LRMDA: variants seen among roughly 807,000 people sequenced by gnomAD.
LRMDA encodes the protein leucine-rich melanocyte differentiation-associated protein.
LRMDA carries 18 observed loss-of-function variants against 29.8 expected under a neutral mutation model. That is an observed-to-expected ratio of 0.60 (90% CI 0.42 to 0.90). The LOEUF is 0.90. Among genes scored for constraint, LRMDA ranks in the 40% least tolerant of loss-of-function variants. The pLI is 0.00. For synonymous variants in LRMDA, 125 were observed against 109.4 expected, an observed-to-expected ratio of 1.14 and a Z score of -0.89; for missense variants, 273 against 273.9, an observed-to-expected ratio of 1.00 and a Z score of 0.02.
At chr10:75,560,959 C>T (rs994990641) in intron 2 of LRMDA, among the ~76,000 whole-genome samples, 1 of 150,812 alleles carries the variant, frequency 6.6e-6, no homozygotes, top group African/African-American at 2.4e-5. Flanking sequence ...AGGATTTTTG[C>T]ATCAATGTTC....
At chr10:76,529,746 G>T (rs558948511) in intron 6 of LRMDA, among the ~76,000 whole-genome samples, 1 of 152,126 alleles carries the variant, frequency 6.6e-6, no homozygotes, top group Non-Finnish European at 1.5e-5. Context: ...CTGGTAGGGA[G>T]ACTATAGCTC....
intron 6 of LRMDA, among the ~76,000 whole-genome samples, chr10:76,396,860 A>G (rs1025488080): frequency 4.6e-5 from 7 of 152,088 alleles, no homozygotes; most frequent in African/African-American, 4.8e-5. Context: ...AGTTACCTCA[A>G]ATTTACTTGC....
At chr10:75,486,034 C>G (rs746416500) in intron 2 of LRMDA, among the ~76,000 whole-genome samples, 2 of 152,084 alleles carry the variant, frequency 1.3e-5, no homozygotes, top group Non-Finnish European at 2.9e-5. Context: ...TGTGAGTTTT[C>G]CTCTGAGTAC....
chr10:76,139,954 T>C lies in LRMDA; in HGVS notation c.516+81171T>C, dbSNP rs114476046. On this transcript the variant is annotated intron_variant, in intron 5 of 6. Coordinates refer to ENST00000611255, the MANE Select transcript of LRMDA (RefSeq NM_001305581.2). ...TCTGGGGATGGAGGTGCCTTCCAGT[T>C]CAAATACTGTTTGGAAAGTGGGGTG... is the stretch of plus-strand genomic sequence containing the variant. Among the ~76,000 whole-genome samples, 963 of 152,176 alleles carry C rather than the reference T, an allele frequency of 6.3e-3. 12 individuals are homozygous for C. The highest frequency in any genetic ancestry group is 0.022 in the African/African-American group (899 of 41,530).
At chr10:75,767,729 C>T (rs1211615434) in intron 2 of LRMDA, among the ~76,000 whole-genome samples, 1 of 152,048 alleles carries the variant, frequency 6.6e-6, no homozygotes, top group East Asian at 1.9e-4. Flanking sequence ...GCTAAAAATG[C>T]CCCCCGAAAA....
chr10:75,842,470 T>A (rs1399388864), intron 2 of LRMDA, among the ~76,000 whole-genome samples: 2 of 152,192 alleles, frequency 1.3e-5, no homozygotes, highest in Admixed American at 6.5e-5. Context: ...GTCTATGTTA[T>A]TTCACAGTCT....
intron 2 of LRMDA, among the ~76,000 whole-genome samples, chr10:75,869,468 C>A (rs948469869): frequency 1.3e-5 from 2 of 152,174 alleles, no homozygotes; most frequent in Non-Finnish European, 2.9e-5. Flanking sequence ...ATCTTTCCAT[C>A]CCAGAATGCA....
At chr10:76,379,852 T>C (rs910932985) in intron 6 of LRMDA, among the ~76,000 whole-genome samples, 4 of 152,216 alleles carry the variant, frequency 2.6e-5, no homozygotes, top group African/African-American at 9.6e-5. Context: ...TTTAATGCCA[T>C]AAACTTTCCT....
At chr10:75,921,890 T>G (rs925015675) in intron 2 of LRMDA, among the ~76,000 whole-genome samples, 2 of 152,214 alleles carry the variant, frequency 1.3e-5, no homozygotes, top group Admixed American at 6.5e-5. Context: ...TCCTATTCCC[T>G]TGCCCACCTC....
At chr10:76,093,392 T>A (rs2395340) in intron 5 of LRMDA, among the ~76,000 whole-genome samples, 73,933 of 151,384 alleles carry the variant, frequency 0.49, 18,088 homozygotes, top group African/African-American at 0.51. Context: ...CCTTCATCAG[T>A]CCTCCCACTG....
intron 2 of LRMDA, among the ~76,000 whole-genome samples, chr10:75,681,076 A>G (rs958660742): frequency 2.6e-5 from 4 of 152,228 alleles, no homozygotes; most frequent in African/African-American, 7.2e-5. Flanking sequence ...GGAAAGGTAT[A>G]TTAACCTTTT....
At chr10:75,623,881 G>A (rs187770949) in intron 2 of LRMDA, among the ~76,000 whole-genome samples, 94 of 152,246 alleles carry the variant, frequency 6.2e-4, no homozygotes, top group African/African-American at 2.1e-3. Context: ...TAAAACTATC[G>A]CTGGCAGCCG....
At chr10:75,756,499 T>C (rs1291933311) in intron 2 of LRMDA, among the ~76,000 whole-genome samples, 2 of 152,244 alleles carry the variant, frequency 1.3e-5, no homozygotes, top group East Asian at 3.8e-4. Flanking sequence ...ACTTCTTTTA[T>C]GTACCAGAGA....
intron 6 of LRMDA, among the ~76,000 whole-genome samples, chr10:76,331,346 A>G (rs1297042158): frequency 1.3e-5 from 2 of 152,186 alleles, no homozygotes; most frequent in Non-Finnish European, 2.9e-5. Context: ...CATAGGTCTC[A>G]CCTAAGGTCA....
rs74513195 is a variant in LRMDA, at chr10:76,111,261, T to C, written c.516+52478T>C. The stretch of plus-strand genomic sequence containing the variant: ...AACATGTCTTTATGTGTTATTTTGC[T>C]TCTCTGCTTCCTTAAATAAGCTCCT... On this transcript the variant is annotated intron_variant, in intron 5 of 6. Transcript: ENST00000611255. 7.8e-3 allele frequency among the ~76,000 whole-genome samples: 1,192 copies of C among 152,372 alleles called. 21 individuals are homozygous for C. Among genetic ancestry groups the C allele is most frequent in the African/African-American group, 0.026 (1,077 of 41,586 alleles).
At chr10:75,558,325 A>T (rs1233750024) in intron 2 of LRMDA, among the ~76,000 whole-genome samples, 22 of 152,112 alleles carry the variant, frequency 1.4e-4, no homozygotes, top group Non-Finnish European at 3.2e-4. Context: ...ATTTCCAAGC[A>T]CTTTGCCAGG....
chr10:75,941,842 G>A (rs867488411), intron 2 of LRMDA, among the ~76,000 whole-genome samples: 1 of 152,092 alleles, frequency 6.6e-6, no homozygotes, highest in Admixed American at 6.6e-5. Context: ...TCTGTTCAAT[G>A]AGGATATTGA....
chr10:75,822,227 CA>C (rs1231932392), intron 2 of LRMDA, among the ~76,000 whole-genome samples: 1 of 151,650 alleles, frequency 6.6e-6, no homozygotes, highest in Admixed American at 6.6e-5. Context: ...CAGTGGCTAC[CA>C]AAAAAACACT....
At chr10:76,386,940 A>G (rs978757021) in intron 6 of LRMDA, among the ~76,000 whole-genome samples, 4 of 152,168 alleles carry the variant, frequency 2.6e-5, no homozygotes, top group African/African-American at 7.2e-5. Context: ...GTAAACATAA[A>G]AAGCTCAAAC....
Sources: allele counts gnomAD v4.1 joint callset (sites outside exome capture counted in the v4.1 genomes callset), GRCh38; gene constraint gnomAD v4.1.1; transcripts MANE v1.5; gene names NCBI Gene and HGNC (gene_info 2026-07-23, HGNC 2026-07-21).